Variants in TLE2 observed in about 807,000 individuals in gnomAD.
TLE2 encodes the protein transducin-like enhancer protein 2.
A neutral mutation model predicts 97.2 loss-of-function variants in TLE2; 74 were observed. That is an observed-to-expected ratio of 0.76 (90% CI 0.63 to 0.92). The LOEUF is 0.92. Ranked by LOEUF, TLE2 falls within the 40% of genes least tolerant of loss-of-function variation. The pLI, the probability that TLE2 is intolerant of heterozygous loss-of-function variation, is 0.00. For synonymous variants in TLE2, 499 were observed against 432.1 expected (o/e 1.15, Z -1.92); for missense variants, 1,038 against 1,008.7 (o/e 1.03, Z -0.39).
intron 12 of TLE2, among the ~76,000 whole-genome samples, chr19:3,010,731 T>C (rs569898936): frequency 6.6e-6 from 1 of 152,302 alleles, no homozygotes; most frequent in Non-Finnish European, 1.5e-5. Context: ...TGCCCAAGCC[T>C]GGTCTGAAAC....
rs2089993660 is a variant in TLE2 at position 3,028,969 on chromosome 19, G to A, written c.-65C>T. 1 of 1,581,928 alleles carries A rather than the reference G, an allele frequency of 6.3e-7. No individual in the cohort carries two copies. The highest frequency in any genetic ancestry group is 8.6e-7 in the Non-Finnish European group (1 of 1,165,380). On this transcript the variant is annotated 5_prime_UTR_variant, in exon 1 of 20. Coordinates refer to ENST00000262953, the MANE Select transcript of TLE2 (RefSeq NM_003260.5). ...TGATGATATGGAGGCGGCAAGAGTGGGGGAGGCTGAAGTGGGGTGGTGGGG... is the reference window on the plus strand; with the variant it reads ...TGATGATATGGAGGCGGCAAGAGTGAGGGAGGCTGAAGTGGGGTGGTGGGG...
chr19:3,033,032 CA>C (rs2090037701), upstream of TLE2, among the ~76,000 whole-genome samples: 1 of 151,738 alleles, frequency 6.6e-6, no homozygotes, highest in South Asian at 2.1e-4. Flanking sequence ...CTCCCAGTTT[CA>C]AGCGATTCTC....
At chr19:3,043,740 G>A (rs1401325073) in intron 1 of TLE2, among the ~76,000 whole-genome samples, 3 of 151,762 alleles carry the variant, frequency 2.0e-5, no homozygotes, top group African/African-American at 7.3e-5. Flanking sequence ...AACCCGGGAG[G>A]TGGAGCTTGC....
intron 5 of TLE2, among the ~76,000 whole-genome samples, chr19:3,022,520 C>T (rs952055794): frequency 1.0e-4 from 15 of 149,780 alleles, no homozygotes; most frequent in African/African-American, 3.7e-4. Flanking sequence ...CAGAGCAAGA[C>T]TCTGTCTCAA....
At position 3,027,731 on chromosome 19, in the gene TLE2, T is replaced by C; in HGVS notation, c.231+98A>G. 1.2e-5 allele frequency: 14 copies of C among 1,207,628 alleles called. No individual in the cohort carries two copies. The South Asian group carries it at 1.9e-4, about 16-fold the overall frequency. 74.8% of individuals were successfully genotyped at this position (1,207,628 alleles called of 1,614,324 possible). A position where few individuals can be genotyped will look rare whatever the true frequency, so the allele number is the denominator to read the frequency against. On this transcript the variant is annotated intron_variant, in intron 4 of 19. Transcript: ENST00000262953. ...ATTTCAGGATGAGACCCGTGTTCCC[T>C]AGGTCTGCTCTGGCCCCGGCTGCCC...
Position 3,009,694 on chromosome 19 carries a change from T to C in TLE2, c.1021A>G (p.Ser341Gly). ...AAGGGACTGGACAGAGTCAGGGGGCTCCTCAGGGCTGAGACGGAAGAGTCG... is the reference window on the plus strand; with the variant it reads ...AAGGGACTGGACAGAGTCAGGGGGCCCCTCAGGGCTGAGACGGAAGAGTCG... Reference protein sequence around the residue: ...APSTDSVALRSPLTLSSPFTT... With the variant: ...APSTDSVALRGPLTLSSPFTT... Residue 341 changes from serine (S) to glycine (G), a missense_variant, in exon 13 of 20, where the codon AGC (serine) becomes GGC (glycine). Transcript: ENST00000262953. The C allele has an allele frequency of 4.3e-6, 7 of 1,610,738 alleles. No homozygotes were observed. Among genetic ancestry groups the C allele is most frequent in the Non-Finnish European group, 5.9e-6 (7 of 1,178,754 alleles).
chr19:3,025,182 G>C, intron 4 of TLE2, 100 bp from the exon 5 acceptor site: 1 of 1,285,206 alleles, frequency 7.8e-7, no homozygotes, highest in East Asian at 2.6e-5. Flanking sequence ...CCGAAGGGTT[G>C]GGGAGGTGAC....
intron 17 of TLE2, among the ~76,000 whole-genome samples, chr19:3,005,013 T>A (rs368312152): frequency 6.6e-6 from 1 of 151,872 alleles, no homozygotes; most frequent in East Asian, 1.9e-4. Flanking sequence ...CATGCCCAGC[T>A]CCTCCTACAT....
chr19:3,006,917 G>T (rs1000827487), intron 14 of TLE2, among the ~76,000 whole-genome samples: 9 of 152,132 alleles, frequency 5.9e-5, no homozygotes, highest in Non-Finnish European at 1.3e-4. Flanking sequence ...CGAGTAGCTG[G>T]GATTACAGGC....
At chr19:3,043,826 A>T (rs527569975) in intron 1 of TLE2, among the ~76,000 whole-genome samples, 2 of 150,690 alleles carry the variant, frequency 1.3e-5, no homozygotes, top group African/African-American at 4.9e-5. Context: ...ACAAAACAAA[A>T]CAAAAAAATT....
At chr19:3,005,011 GCTC>G (rs1259491169) in intron 17 of TLE2, among the ~76,000 whole-genome samples, 9 of 152,072 alleles carry the variant, frequency 5.9e-5, no homozygotes, top group Admixed American at 5.2e-4. Context: ...TCCATGCCCA[GCTC>G]CTCCTACATC....
chr19:3,008,109 T>C (rs1210323526), intron 14 of TLE2, among the ~76,000 whole-genome samples: 1 of 151,180 alleles, frequency 6.6e-6, no homozygotes, highest in African/African-American at 2.4e-5. Flanking sequence ...AAAACAAAAC[T>C]TTTCAGCTCC....
upstream of TLE2, among the ~76,000 whole-genome samples, chr19:3,032,527 C>T (rs529850456): frequency 3.3e-5 from 5 of 152,272 alleles, no homozygotes; most frequent in South Asian, 2.1e-4. The surrounding 1 kb of genome is among the most constrained non-coding windows in gnomAD (Gnocchi z 4.1). Flanking sequence ...CTTGAGCCAC[C>T]GTGCCCAGCC....
intron 11 of TLE2, among the ~76,000 whole-genome samples, chr19:3,012,735 C>T (rs1421695905): frequency 3.9e-5 from 6 of 152,208 alleles, no homozygotes; most frequent in Admixed American, 3.9e-4. Context: ...TAGGGGCAGG[C>T]TCTGTTATCT....
At chr19:3,010,705 T>C (rs1390739889) in intron 12 of TLE2, among the ~76,000 whole-genome samples, 1 of 152,068 alleles carries the variant, frequency 6.6e-6, no homozygotes, top group Non-Finnish European at 1.5e-5. Flanking sequence ...TTGCCCGAGG[T>C]CACCCAGCTG....
chr19:3,028,943 TTGA>T lies in TLE2; in HGVS notation c.-42_-40del, dbSNP rs1230199353. On this transcript the variant is annotated 5_prime_UTR_variant, in exon 1 of 20. Transcript: ENST00000262953. Reference sequence around the variant, plus strand: ...AAAGCCCCCCAGGCGCCACCAGAGCTTGATGATATGGAGGCGGCAAGAGTGGGG... The same window carrying T: ...AAAGCCCCCCAGGCGCCACCAGAGCTTGATATGGAGGCGGCAAGAGTGGGG... 1 of 1,602,796 alleles carries T rather than the reference TTGA, an allele frequency of 6.2e-7. No individual in the cohort carries two copies. The highest frequency in any genetic ancestry group is 1.3e-5 in the African/African-American group (1 of 74,338).
chr19:3,019,942 G>A lies in TLE2; in HGVS notation c.295-169C>T, dbSNP rs1275064093. 4 of 917,718 alleles carry A rather than the reference G, an allele frequency of 4.4e-6. No homozygotes were observed. The Admixed American group carries it at 1.1e-4, about 25-fold the overall frequency. 56.8% of individuals were successfully genotyped at this position (917,718 alleles called of 1,614,324 possible). ...TCTCTCCCTTTCCTTTTGGAATTTT[G>A]AAATAAGCACACGGAGAAAGAAACC... On this transcript the variant is annotated intron_variant, in intron 5 of 19. Transcript: ENST00000262953. This position sits in a 1 kb window ranked among gnomAD's most constrained non-coding sequence, Gnocchi z 5.1.
In TLE2 at chr19:3,019,411, C is replaced by CG; in HGVS notation, c.421dup (p.Arg141ProfsTer58). ...ACTGCCGCCCACCAGCCCGGCTGGG[C>CG]GGGGGGTGAGGGGCACAGGGGGTGC... On this transcript the variant is annotated frameshift_variant, in exon 7 of 20. Transcript: ENST00000262953. LOFTEE classifies it high-confidence loss of function. The surrounding 1 kb of genome is among the most constrained non-coding windows in gnomAD (Gnocchi z 5.1). 1 of 1,538,372 alleles carries CG rather than the reference C, an allele frequency of 6.5e-7. No individual in the cohort carries two copies. Among genetic ancestry groups the CG allele is most frequent in the Non-Finnish European group, 8.7e-7 (1 of 1,147,712 alleles).
intron 1 of TLE2, among the ~76,000 whole-genome samples, chr19:3,040,513 G>T (rs1312888256): frequency 3.3e-5 from 5 of 151,598 alleles, no homozygotes; most frequent in Non-Finnish European, 7.4e-5. Flanking sequence ...GCTCATTTTT[G>T]TATTTTTAGT....
Sources: allele counts gnomAD v4.1 joint callset (sites outside exome capture counted in the v4.1 genomes callset), GRCh38; gene constraint gnomAD v4.1.1; non-coding constraint Gnocchi (gnomAD v3.1); transcripts MANE v1.5; gene names NCBI Gene and HGNC (gene_info 2026-07-23, HGNC 2026-07-21).